The following NPEPPS variants were observed in gnomAD, a reference collection of about 807,000 sequenced individuals.
The protein encoded by NPEPPS is puromycin-sensitive aminopeptidase.
NPEPPS carries 14 observed loss-of-function variants against 115.5 expected under a neutral mutation model. That is an observed-to-expected ratio of 0.12 (90% CI 0.08 to 0.19). The LOEUF is 0.19. Among genes scored for constraint, NPEPPS ranks in the 10% least tolerant of loss-of-function variants. The pLI, the probability that NPEPPS is intolerant of heterozygous loss-of-function variation, is 1.00. For synonymous variants in NPEPPS, 285 were observed against 390.6 expected, an observed-to-expected ratio of 0.73 and a Z score of 3.19; for missense variants, 523 against 1,110.8, an observed-to-expected ratio of 0.47 and a Z score of 7.52.
chr17:47,536,781 G>A (rs1470297394), intron 1 of NPEPPS, among the ~76,000 whole-genome samples: 4 of 143,906 alleles, frequency 2.8e-5, no homozygotes, highest in Non-Finnish European at 4.5e-5. Flanking sequence ...GCGCGATCTC[G>A]GCTCACCGCA....
chr17:47,527,817 C>T (rs1205399006), upstream of NPEPPS, among the ~76,000 whole-genome samples: 5 of 150,476 alleles, frequency 3.3e-5, no homozygotes, highest in Non-Finnish European at 5.9e-5. Flanking sequence ...GGCATGGTGG[C>T]GGGCACCTAT....
At chr17:47,541,759 A>G (rs1409724480) in intron 1 of NPEPPS, among the ~76,000 whole-genome samples, 1 of 152,194 alleles carries the variant, frequency 6.6e-6, no homozygotes, top group African/African-American at 2.4e-5. Context: ...ATAAATCGCC[A>G]GTTGGACACA....
intron 1 of NPEPPS, among the ~76,000 whole-genome samples, chr17:47,524,646 C>T (rs1907354382): frequency 6.8e-6 from 1 of 146,332 alleles, no homozygotes; most frequent in South Asian, 2.3e-4. Flanking sequence ...AGGCACCTGC[C>T]ACCACGCCTG....
At chr17:47,619,657 A>C (rs1567875366) in intron 21 of NPEPPS, 80 bp from the exon 22 acceptor site, 2 of 1,159,994 alleles carry the variant, frequency 1.7e-6, no homozygotes, top group East Asian at 4.7e-5. Context: ...CAGAGAACAG[A>C]ATGATTTATT....
rs553418170 is a variant in NPEPPS at position 47,579,076 on chromosome 17, C to T, written c.419-314C>T. ...TTTAAAAGCACTATGCACAATAGCA[C>T]ATATCAGGCATTTAAGAATAAATGT... On this transcript the variant is annotated intron_variant, in intron 3 of 22. Transcript: ENST00000322157. Among the ~76,000 whole-genome samples the T allele has an allele frequency of 7.2e-5, 11 of 152,208 alleles. No homozygotes were observed. In the East Asian group the frequency reaches 2.1e-3, roughly 29 times the overall value.
intron 1 of NPEPPS, among the ~76,000 whole-genome samples, chr17:47,535,242 CAAAAAAAAAAA>C (rs1163530675): frequency 0.54 from 30,894 of 57,112 alleles, 5,735 homozygotes; most frequent in Admixed American, 0.62. Flanking sequence ...GACTCTGTCT[CAAAAAAAAAAA>C]AAAAAAAAAA....
chr17:47,574,003 A>G (rs1195699902), intron 3 of NPEPPS, among the ~76,000 whole-genome samples: 1 of 152,164 alleles, frequency 6.6e-6, no homozygotes, highest in Non-Finnish European at 1.5e-5. Context: ...ATATTTGGAA[A>G]AATTACACCT....
chr17:47,589,540 C>T (rs1195982796), intron 9 of NPEPPS, among the ~76,000 whole-genome samples: 1 of 152,150 alleles, frequency 6.6e-6, no homozygotes, highest in Non-Finnish European at 1.5e-5. Flanking sequence ...ATTGGCATTA[C>T]AGGAGCAAGC....
At chr17:47,539,057 T>C (rs1908554810) in intron 1 of NPEPPS, among the ~76,000 whole-genome samples, 1 of 152,122 alleles carries the variant, frequency 6.6e-6, no homozygotes, top group Non-Finnish European at 1.5e-5. Flanking sequence ...ATGCGTTTTA[T>C]TGTACGGACT....
At chr17:47,596,886 A>G (rs1475664932) in intron 13 of NPEPPS, among the ~76,000 whole-genome samples, 5 of 152,156 alleles carry the variant, frequency 3.3e-5, no homozygotes, top group Non-Finnish European at 5.9e-5. Flanking sequence ...TGTCTCTACT[A>G]AAAATACAGA....
chr17:47,595,413 G>A (rs2143891950), intron 12 of NPEPPS, among the ~76,000 whole-genome samples: 1 of 152,316 alleles, frequency 6.6e-6, no homozygotes, highest in Admixed American at 6.5e-5. Context: ...ACGGTCTTAA[G>A]TTTGTCAGTG....
chr17:47,619,978 A>G (rs1422572270), intron 22 of NPEPPS, 194 bp downstream of exon 22: 1 of 500,166 alleles, frequency 2.0e-6, no homozygotes, highest in South Asian at 2.3e-5. Flanking sequence ...CACATCTGTA[A>G]TCTCAGCACT....
At chr17:47,532,086 AG>A (rs901610779) in intron 1 of NPEPPS, among the ~76,000 whole-genome samples, 17 of 150,788 alleles carry the variant, frequency 1.1e-4, no homozygotes, top group East Asian at 3.9e-4. Flanking sequence ...AGCTTCTAGA[AG>A]GGGGGGGAGA....
At position 47,621,912 on chromosome 17, in the gene NPEPPS, A is replaced by C; in HGVS notation, c.2752A>C (p.Thr918Pro). ...CCTTCAGCGGAAGGCCTCACCACCC[A>C]CAGTGTGAATCCTGAGGTGCCGCCA... ...YLLQRKASPP[T>P]V The change falls in exon 23 of 23, where the codon ACA (threonine) becomes CCA (proline). Residue 918 changes from threonine to proline, a missense_variant. This residue lies in a region of NPEPPS where 372 missense variants were observed against 542.6 expected (regional missense o/e 0.69). Coordinates refer to ENST00000322157, the MANE Select transcript of NPEPPS (RefSeq NM_006310.4). 1 of 1,611,674 alleles carries C rather than the reference A, an allele frequency of 6.2e-7. No homozygotes were observed. Among genetic ancestry groups the C allele is most frequent in the Non-Finnish European group, 8.5e-7 (1 of 1,178,826 alleles).
At chr17:47,532,735 C>G (rs1352282541) in intron 1 of NPEPPS, among the ~76,000 whole-genome samples, 4 of 148,520 alleles carry the variant, frequency 2.7e-5, no homozygotes, top group Non-Finnish European at 5.9e-5. Flanking sequence ...TATTCCATTA[C>G]TCTTCACTGC....
At chr17:47,572,056 A>G (rs569383526) in intron 3 of NPEPPS, among the ~76,000 whole-genome samples, 18 of 152,034 alleles carry the variant, frequency 1.2e-4, no homozygotes, top group African/African-American at 4.1e-4. Context: ...CACTCTCTGT[A>G]TCATGCATGG....
At chr17:47,606,918 G>A (rs192203589) in intron 17 of NPEPPS, among the ~76,000 whole-genome samples, 5 of 152,288 alleles carry the variant, frequency 3.3e-5, no homozygotes, top group African/African-American at 1.2e-4. Flanking sequence ...AAAGTTGCCA[G>A]GGGTGGTGGC....
chr17:47,526,723 C>A (rs1907448152), upstream of NPEPPS, among the ~76,000 whole-genome samples: 1 of 152,002 alleles, frequency 6.6e-6, no homozygotes, highest in Non-Finnish European at 1.5e-5. Context: ...CTCTGGGAGG[C>A]CGAGGCGGGC....
At chr17:47,616,423 C>T (rs1423549242) in intron 19 of NPEPPS, among the ~76,000 whole-genome samples, 1 of 152,126 alleles carries the variant, frequency 6.6e-6, no homozygotes, top group Non-Finnish European at 1.5e-5. Flanking sequence ...GTGGCTCACG[C>T]CTGCAATCCC....
Sources: gnomAD v4.1 joint callset for allele counts (sites outside exome capture counted in the v4.1 genomes callset) on GRCh38, gnomAD v4.1.1 for gene constraint, gnomAD v4.1.1 regional missense constraint, MANE v1.5 for transcripts, NCBI Gene and HGNC (gene_info 2026-07-23, HGNC 2026-07-21) for gene names.